FKTN: variants seen among roughly 807,000 people sequenced by gnomAD.
FKTN encodes ribitol-5-phosphate transferase FKTN.
Under a neutral mutation model 58.6 loss-of-function variants are expected in FKTN, and 47 were observed. The observed-to-expected ratio is 0.80, with a 90% CI of 0.63 to 1.02. FKTN has a LOEUF of 1.02. Ranked by LOEUF, FKTN falls within the 50% of genes least tolerant of loss-of-function variation. FKTN has a pLI of 0.00. For synonymous variants in FKTN, 178 were observed against 191.9 expected (o/e 0.93, Z 0.60); for missense variants, 516 against 537.3 (o/e 0.96, Z 0.39).
intron 10 of FKTN, among the ~76,000 whole-genome samples, chr9:105,631,559 A>T (rs1833452554): frequency 6.6e-6 from 1 of 152,142 alleles, no homozygotes; most frequent in Non-Finnish European, 1.5e-5. Context: ...ATGAACTCAA[A>T]CAAATTTACA....
chr9:105,631,058 G>A (rs1270110028), intron 10 of FKTN, among the ~76,000 whole-genome samples: 2 of 152,100 alleles, frequency 1.3e-5, no homozygotes, highest in Non-Finnish European at 2.9e-5. Flanking sequence ...GCTTGAACCC[G>A]AGAGGTGGAG....
In FKTN at chr9:105,577,487, G is replaced by A. The variant is rs1455749284; in HGVS notation, c.105+2350G>A. On this transcript the variant is annotated intron_variant, in intron 3 of 10. Transcript: ENST00000357998. ...AAAGATCAGATAGTTGTAGGTATGCGGCATTATTTCTGAGGGCTCTGTTCT... is the reference window on the plus strand; with the variant it reads ...AAAGATCAGATAGTTGTAGGTATGCAGCATTATTTCTGAGGGCTCTGTTCT... 4.8e-4 allele frequency among the ~76,000 whole-genome samples: 70 copies of A among 145,938 alleles called. 3 individuals carry two copies. The highest frequency in any genetic ancestry group is 1.9e-3 in the African/African-American group (69 of 37,254).
chr9:105,588,595 A>C (rs535263750), intron 3 of FKTN, among the ~76,000 whole-genome samples: 1 of 152,198 alleles, frequency 6.6e-6, no homozygotes, highest in Non-Finnish European at 1.5e-5. Context: ...ATAACAATAC[A>C]TGTTACCTCT....
intron 1 of FKTN, among the ~76,000 whole-genome samples, chr9:105,571,713 A>C (rs1840765595): frequency 1.3e-5 from 2 of 152,196 alleles, no homozygotes; most frequent in African/African-American, 4.8e-5. Flanking sequence ...ACATTAATGC[A>C]CTGTTTAATA....
chr9:105,589,536 T>A (rs934928168), intron 3 of FKTN, among the ~76,000 whole-genome samples: 2 of 151,862 alleles, frequency 1.3e-5, no homozygotes, highest in Non-Finnish European at 2.9e-5. Context: ...ACTAACAAAA[T>A]GGTATAATCT....
intron 1 of FKTN, among the ~76,000 whole-genome samples, chr9:105,570,830 T>C (rs1271139531): frequency 1.3e-5 from 2 of 152,084 alleles, no homozygotes; most frequent in Admixed American, 6.6e-5. Context: ...GAAGTGTCAT[T>C]TGAGAGGAGC....
At chr9:105,577,207 T>G (rs1332692397) in intron 3 of FKTN, among the ~76,000 whole-genome samples, 1 of 150,884 alleles carries the variant, frequency 6.6e-6, no homozygotes, top group Non-Finnish European at 1.5e-5. Flanking sequence ...CTTTTGTTGC[T>G]ATTGCTTTTG....
chr9:105,581,428 G>T (rs1409998767), intron 3 of FKTN, among the ~76,000 whole-genome samples: 1 of 149,606 alleles, frequency 6.7e-6, no homozygotes, highest in Non-Finnish European at 1.5e-5. Flanking sequence ...ACCCTGCCTT[G>T]TGAGGTGTCA....
In FKTN at chr9:105,619,210, T is replaced by A. The variant is rs1446432994; in HGVS notation, c.1045-724T>A. Among the ~76,000 whole-genome samples the A allele has an allele frequency of 5.3e-5, 8 of 152,216 alleles. No individual in the cohort carries two copies. The East Asian group carries it at 1.4e-3, about 26-fold the overall frequency. ...TTATTCAGCAAACATTTACCAAACA[T>A]TCACTATAAGTATGGCACTGTCCTC... On this transcript the variant is annotated intron_variant, in intron 9 of 10. Coordinates refer to ENST00000357998, the MANE Select transcript of FKTN (RefSeq NM_001079802.2).
intron 4 of FKTN, chr9:105,598,375 G>A: frequency 1.7e-5 from 3 of 177,734 alleles, no homozygotes; most frequent in Non-Finnish European, 3.7e-5. Context: ...AGGGCTCAAT[G>A]TTTATGGAGT....
At chr9:105,566,774 A>G (rs1323794254) in intron 1 of FKTN, among the ~76,000 whole-genome samples, 1 of 152,232 alleles carries the variant, frequency 6.6e-6, no homozygotes, top group Non-Finnish European at 1.5e-5. Flanking sequence ...AAAAAGAGGG[A>G]ATCCTCCCTA....
chr9:105,634,684 T>C (rs1293677475), intron 10 of FKTN, among the ~76,000 whole-genome samples: 1 of 152,180 alleles, frequency 6.6e-6, no homozygotes, highest in African/African-American at 2.4e-5. Context: ...AAGATCATTT[T>C]CATCCATCTT....
In FKTN at chr9:105,573,128, G is replaced by C. The variant is rs532657831; in HGVS notation, c.-180-527G>C. ...CAGGCACCTGTAATCCCAGTTACTC[G>C]GGAGGCTGAGATAGGAGAATTGCTT... is the stretch of plus-strand genomic sequence containing the variant. On this transcript the variant is annotated intron_variant, in intron 1 of 10. Coordinates refer to ENST00000357998, the MANE Select transcript of FKTN (RefSeq NM_001079802.2). Among the ~76,000 whole-genome samples the C allele has an allele frequency of 3.5e-3, 531 of 152,016 alleles. 2 individuals are homozygous for C. The highest frequency in any genetic ancestry group is 5.3e-3 in the Non-Finnish European group (363 of 67,976).
intron 10 of FKTN, among the ~76,000 whole-genome samples, chr9:105,629,145 T>G (rs1158172089): frequency 1.3e-5 from 2 of 152,180 alleles, no homozygotes; most frequent in African/African-American, 4.8e-5. Flanking sequence ...GAGGATCACT[T>G]GAGCCCAGGA....
chr9:105,598,419 G>C (rs1422093994), intron 4 of FKTN: 1 of 157,832 alleles, frequency 6.3e-6, no homozygotes, highest in Non-Finnish European at 1.4e-5. Flanking sequence ...ACTTAGAAAA[G>C]AAAATGATCA....
intron 1 of FKTN, among the ~76,000 whole-genome samples, chr9:105,570,234 T>C (rs1840507265): frequency 6.6e-6 from 1 of 152,162 alleles, no homozygotes. Flanking sequence ...TTCTTGAGCA[T>C]TGTGCAGTGT....
intron 7 of FKTN, among the ~76,000 whole-genome samples, chr9:105,610,548 T>A (rs1327180004): frequency 6.6e-6 from 1 of 151,990 alleles, no homozygotes; most frequent in Non-Finnish European, 1.5e-5. Context: ...CTCCCCTCCC[T>A]ACCCCCTGTT....
intron 3 of FKTN, among the ~76,000 whole-genome samples, chr9:105,588,898 G>C (rs1844367694): frequency 6.6e-6 from 1 of 152,188 alleles, no homozygotes; most frequent in Admixed American, 6.5e-5. Context: ...TAGCCAATGG[G>C]ATACGGCTGG....
intron 2 of FKTN, 115 bp from the exon 3 acceptor site, chr9:105,574,830 C>T (rs1188816461): frequency 1.8e-6 from 1 of 549,414 alleles, no homozygotes; most frequent in African/African-American, 1.9e-5. Flanking sequence ...TAGACAATGA[C>T]CAGATCAAAG....
Sources: gnomAD v4.1 joint callset for allele counts (sites outside exome capture counted in the v4.1 genomes callset) on GRCh38, gnomAD v4.1.1 for gene constraint, MANE v1.5 for transcripts, NCBI Gene and HGNC (gene_info 2026-07-23, HGNC 2026-07-21) for gene names.